SHPRH: variants seen among roughly 807,000 people sequenced by gnomAD.
The protein encoded by SHPRH is SNF2 histone linker PHD RING helicase.
A neutral mutation model predicts 202.5 loss-of-function variants in SHPRH; 106 were observed. The observed-to-expected ratio is 0.52, with a 90% confidence interval of 0.45 to 0.62. The LOEUF (loss-of-function observed/expected upper bound fraction) is 0.62, where lower values mean the gene tolerates loss of function less well. Ranked by LOEUF, SHPRH falls within the 20% of genes least tolerant of loss-of-function variation. The pLI is 0.00. For missense variants in SHPRH, 1,710 were observed against 2,020.0 expected, an observed-to-expected ratio of 0.85 and a Z score of 2.94; for synonymous variants, 729 against 686.0, an observed-to-expected ratio of 1.06 and a Z score of -0.98.
chr6:145,952,440 T>G lies in SHPRH; in HGVS notation c.672A>C (p.Leu224=). The G allele has an allele frequency of 6.2e-7, 1 of 1,609,706 alleles. No homozygotes were observed. ...TTGAATTTGCATCACTCAAGAAGTC[T>G]AGTTTTGCTAGGCCAGCTTCCAAAA... The part of the protein sequence containing the change: ...IYLLEAGLAK[L]DFLSDANSRM... The change falls in exon 3 of 30, where the codon CTA becomes CTC. Residue 224 remains leucine (L), a synonymous_variant. Transcript: ENST00000275233.
chr6:145,934,852 A>T, intron 13 of SHPRH, 55 bp downstream of exon 13: 1 of 1,509,750 alleles, frequency 6.6e-7, no homozygotes, highest in Non-Finnish European at 8.9e-7. Flanking sequence ...GTGGGCCTGA[A>T]ATATTGTCTA....
At chr6:145,912,405 TGAAA>T (rs1230053293) in intron 24 of SHPRH, among the ~76,000 whole-genome samples, 1 of 152,108 alleles carries the variant, frequency 6.6e-6, no homozygotes, top group African/African-American at 2.4e-5. Flanking sequence ...CTAATGTATA[TGAAA>T]GAACTTTAAA....
chr6:145,871,324 A>G (rs1346078164), intron 2 of SHPRH: 4 of 152,328 alleles, frequency 2.6e-5, no homozygotes, highest in African/African-American at 9.6e-5. Flanking sequence ...TCAACCCAAA[A>G]GCTTCTTAAG....
At chr6:145,891,124 C>T (rs181506724) in intron 28 of SHPRH, among the ~76,000 whole-genome samples, 35 of 152,220 alleles carry the variant, frequency 2.3e-4, no homozygotes, top group African/African-American at 7.0e-4. Flanking sequence ...CAATGGCTCC[C>T]GATTTCACAC....
intron 22 of SHPRH, 157 bp downstream of exon 22, chr6:145,919,191 G>T: frequency 9.6e-7 from 1 of 1,042,248 alleles, no homozygotes; most frequent in Non-Finnish European, 1.4e-6. Context: ...ACCATTTTTG[G>T]TCTATAAAGA....
In SHPRH at chr6:145,956,221, C is replaced by T. The variant is rs570591378; in HGVS notation, c.-32-867G>A. On this transcript the variant is annotated intron_variant, in intron 1 of 29. Transcript: ENST00000275233. The stretch of plus-strand genomic sequence containing the variant: ...ATGCATAAAACTGGAATCTCAGCAG[C>T]AAAGAATGGAAAGGATACAAAAAAC... Among the ~76,000 whole-genome samples the T allele has an allele frequency of 2.6e-5, 4 of 152,028 alleles. No homozygotes were observed. In the Middle Eastern group the frequency reaches 0.01, roughly 388 times the overall value.
At chr6:145,924,991 A>G in intron 16 of SHPRH, 145 bp from the exon 17 acceptor site, 2 of 491,088 alleles carry the variant, frequency 4.1e-6, no homozygotes, top group Non-Finnish European at 6.6e-6. Flanking sequence ...TGTAGAGAAC[A>G]TAAAAGTCAC....
intron 23 of SHPRH, among the ~76,000 whole-genome samples, chr6:145,915,444 C>A (rs1031194293): frequency 6.6e-6 from 1 of 151,706 alleles, no homozygotes; most frequent in South Asian, 2.1e-4. Context: ...CAAAGAAGTT[C>A]CTTTAATATT....
At position 145,943,539 on chromosome 6, in the gene SHPRH, C is replaced by A. The variant is rs1396296199; in HGVS notation, c.1842G>T (p.Met614Ile). ...TSDSGITDVA[M>I]SKSTCISEFN... Reference sequence around the variant, plus strand: ...ATTCAGAGATACATGTACTTTTAGACATAGCAACATCAGTTATTCCAGAGT... The same window carrying A: ...ATTCAGAGATACATGTACTTTTAGAAATAGCAACATCAGTTATTCCAGAGT... The change falls in exon 9 of 30, where the codon ATG becomes ATT. Residue 614 changes from methionine to isoleucine, a missense_variant. Around this residue, in one of 8 missense-constraint regions of SHPRH, gnomAD observed 348 missense variants for 356.9 expected, o/e 0.97. Transcript: ENST00000275233. 1 of 1,613,890 alleles carries A rather than the reference C, an allele frequency of 6.2e-7. No individual in the cohort carries two copies. The highest frequency in any genetic ancestry group is 1.3e-5 in the African/African-American group (1 of 74,894).
chr6:145,858,801 C>T, the SHPRH span, among the ~76,000 whole-genome samples: 3 of 151,964 alleles, frequency 2.0e-5, no homozygotes, highest in Non-Finnish European at 4.4e-5. Context: ...TGTCACAGAA[C>T]TACAGAAACC....
chr6:145,866,043 C>A (rs1278517652), intron 2 of SHPRH, among the ~76,000 whole-genome samples: 1 of 152,230 alleles, frequency 6.6e-6, no homozygotes, highest in East Asian at 1.9e-4. Context: ...TTTTACAACT[C>A]TTTGTTAAAC....
chr6:145,907,528 GC>G (rs1783075948), intron 25 of SHPRH: 2 of 151,984 alleles, frequency 1.3e-5, no homozygotes, highest in African/African-American at 4.8e-5. Flanking sequence ...TGTTCAGGTG[GC>G]CCTTCAACAT....
At chr6:145,911,877 C>A (rs1466118017) in intron 24 of SHPRH, among the ~76,000 whole-genome samples, 1 of 152,044 alleles carries the variant, frequency 6.6e-6, no homozygotes, top group African/African-American at 2.4e-5. Context: ...TCTAGCTGCA[C>A]CTCTGCCAGA....
intron 2 of SHPRH, among the ~76,000 whole-genome samples, chr6:145,869,151 T>C (rs769724751): frequency 2.2e-4 from 34 of 152,212 alleles, no homozygotes; most frequent in Non-Finnish European, 4.1e-4. Context: ...ATTTCCTTTT[T>C]TGAGATACCT....
chr6:145,899,888 G>T (rs1239755474), intron 25 of SHPRH, among the ~76,000 whole-genome samples: 1 of 152,010 alleles, frequency 6.6e-6, no homozygotes, highest in Non-Finnish European at 1.5e-5. Context: ...ATAGGTAACA[G>T]GTCTAGGAAA....
rs1781000422 is a variant in SHPRH at position 145,886,308 on chromosome 6, GT to G, written c.*382del. ...AGGCCCTTCCAAAACTGAGATCTAT[GT>G]TTGTTCAATATACCAGGTCATATAA... On this transcript the variant is annotated 3_prime_UTR_variant, in exon 30 of 30. Coordinates refer to ENST00000275233, the MANE Select transcript of SHPRH (RefSeq NM_001042683.3). 3 of 560,586 alleles carry G rather than the reference GT, an allele frequency of 5.4e-6. No individual in the cohort carries two copies. Among genetic ancestry groups the G allele is most frequent in the Admixed American group, 3.0e-5 (1 of 32,878 alleles). 34.7% of individuals were successfully genotyped at this position (560,586 alleles called of 1,614,324 possible).
downstream of SHPRH, among the ~76,000 whole-genome samples, chr6:145,882,858 T>C (rs1024734740): frequency 6.6e-6 from 1 of 152,174 alleles, no homozygotes; most frequent in African/African-American, 2.4e-5. Flanking sequence ...GCAGAAACGA[T>C]TTCTAAGGAA....
intron 21 of SHPRH, among the ~76,000 whole-genome samples, chr6:145,919,766 A>G (rs1185352615): frequency 6.6e-6 from 1 of 152,102 alleles, no homozygotes; most frequent in African/African-American, 2.4e-5. Context: ...AGGCTGACAG[A>G]ATCTCTTGTT....
intron 11 of SHPRH, among the ~76,000 whole-genome samples, chr6:145,936,490 C>A (rs1320036867): frequency 6.6e-6 from 1 of 151,896 alleles, no homozygotes; most frequent in African/African-American, 2.4e-5. Flanking sequence ...CCATGCCTGG[C>A]TAATTTTTTT....
Sources: allele counts gnomAD v4.1 joint callset (sites outside exome capture counted in the v4.1 genomes callset), GRCh38; gene constraint gnomAD v4.1.1; regional missense constraint gnomAD v4.1.1; transcripts MANE v1.5; gene names NCBI Gene and HGNC (gene_info 2026-07-23, HGNC 2026-07-21).